Variants in EMSY observed in about 807,000 individuals in gnomAD.
EMSY encodes the protein BRCA2-interacting transcriptional repressor EMSY.
In EMSY, 26 loss-of-function variants were observed where a neutral mutation model predicts 134.6. The observed-to-expected ratio is 0.19, with a 90% CI of 0.14 to 0.27. The LOEUF (loss-of-function observed/expected upper bound fraction) is 0.27, where lower values mean the gene tolerates loss of function less well. EMSY is among the 10% of genes least tolerant of loss of function. The pLI is 1.00. For synonymous variants in EMSY, 579 were observed against 577.8 expected, an observed-to-expected ratio of 1.00 and a Z score of -0.03; for missense variants, 1,305 against 1,611.4, an observed-to-expected ratio of 0.81 and a Z score of 3.26.
At chr11:76,484,590 A>G (rs1378350280) in intron 8 of EMSY, among the ~76,000 whole-genome samples, 1 of 152,216 alleles carries the variant, frequency 6.6e-6, no homozygotes, top group Admixed American at 6.5e-5. Context: ...TCCCACAGAA[A>G]TACGAACTAC....
intron 17 of EMSY, among the ~76,000 whole-genome samples, chr11:76,541,607 G>A (rs1269177075): frequency 2.0e-5 from 3 of 152,182 alleles, no homozygotes; most frequent in Non-Finnish European, 2.9e-5. Flanking sequence ...GCTGTTTGAT[G>A]GTAGAACAGG....
At chr11:76,513,325 G>C (rs1184664246) in intron 9 of EMSY, 61 bp from the exon 11 acceptor site, 10 of 1,522,992 alleles carry the variant, frequency 6.6e-6, no homozygotes, top group Non-Finnish European at 8.9e-6. Context: ...CTCTTGGGTT[G>C]GTATAAGGGA....
chr11:76,457,562 G>A lies in EMSY; in HGVS notation c.246-621G>A, dbSNP rs532648973. 2.0e-5 allele frequency among the ~76,000 whole-genome samples: 3 copies of A among 152,258 alleles called. No individual in the cohort carries two copies. In the South Asian group the frequency reaches 6.2e-4, roughly 32 times the overall value. On this transcript the variant is annotated intron_variant, in intron 4 of 20. Coordinates refer to ENST00000334736, the Ensembl canonical transcript of EMSY. ...AAATTAATGGTGCGTTTCTTCTAGT[G>A]TCGTTAGATCTAGTCTGTTTTTAAC... is the stretch of plus-strand genomic sequence containing the variant.
rs1380119432 is a variant in EMSY at position 76,509,156 on chromosome 11, C to G, written c.1364-4230C>G. On this transcript the variant is annotated intron_variant, in intron 9 of 20. Coordinates refer to ENST00000334736, the Ensembl canonical transcript of EMSY. ...TTGTGAGAATCATCAAAATGTGACA[C>G]AGACATAATGTGAGCGCACACTGTT... Among the ~76,000 whole-genome samples, 5 of 152,014 alleles carry G rather than the reference C, an allele frequency of 3.3e-5. No homozygotes were observed. The East Asian group carries it at 9.6e-4, about 29-fold the overall frequency.
intron 8 of EMSY, among the ~76,000 whole-genome samples, chr11:76,485,427 C>A (rs1191309832): frequency 6.6e-6 from 1 of 152,218 alleles, no homozygotes; most frequent in Admixed American, 6.5e-5. Flanking sequence ...ATCACATAAA[C>A]AGAGCCAATG....
At chr11:76,453,368 G>A (rs1248517312) in exon 4 of EMSY, 1 of 1,612,836 alleles carries the variant, frequency 6.2e-7, no homozygotes, top group Non-Finnish European at 8.5e-7. Context: ...ACGATGAACG[G>A]TTAACAACAA....
chr11:76,544,454 C>T (rs768425160), exon 19 of EMSY: 1 of 1,614,138 alleles, frequency 6.2e-7, no homozygotes, highest in South Asian at 1.1e-5. Flanking sequence ...AGTGAAAACT[C>T]TGCAGTGCTT....
At chr11:76,506,881 A>T (rs2136009988) in intron 9 of EMSY, among the ~76,000 whole-genome samples, 1 of 152,318 alleles carries the variant, frequency 6.6e-6, no homozygotes, top group African/African-American at 2.4e-5. Context: ...ATGACACTAT[A>T]TAGGCTTATT....
rs35911259 is a variant in EMSY, at chr11:76,518,167, C to CT, written c.1684+1875dup. ...TCCCCAAACAAAAAAGAAGTACTTT[C>CT]TTTTTTTTTTTTTTTTTTTTAAGAC... On this transcript the variant is annotated intron_variant, in intron 11 of 20. Transcript: ENST00000334736. Among the ~76,000 whole-genome samples the CT allele has an allele frequency of 9.8e-3, 1,172 of 119,508 alleles. 27 individuals are homozygous for CT. The highest frequency in any genetic ancestry group is 0.028 in the African/African-American group (874 of 31,606). 78.4% of individuals were successfully genotyped at this position (119,508 alleles called of 152,430 possible).
chr11:76,488,799 A>G (rs933257224), intron 8 of EMSY, among the ~76,000 whole-genome samples: 2 of 152,062 alleles, frequency 1.3e-5, no homozygotes, highest in Non-Finnish European at 2.9e-5. Flanking sequence ...TTCTTGGGTA[A>G]CTCTTGGGGC....
intron 8 of EMSY, among the ~76,000 whole-genome samples, chr11:76,480,104 A>G (rs1948912241): frequency 6.6e-6 from 1 of 152,246 alleles, no homozygotes; most frequent in Admixed American, 6.5e-5. Context: ...GCTGGTAACT[A>G]TCTTATGCCA....
intron 10 of EMSY, among the ~76,000 whole-genome samples, chr11:76,514,704 A>G (rs886860901): frequency 6.6e-6 from 1 of 152,170 alleles, no homozygotes; most frequent in African/African-American, 2.4e-5. Flanking sequence ...AAACGTTTTC[A>G]TCTTCCGAAA....
At chr11:76,510,515 C>T (rs1950236170) in intron 9 of EMSY, among the ~76,000 whole-genome samples, 1 of 152,108 alleles carries the variant, frequency 6.6e-6, no homozygotes, top group African/African-American at 2.4e-5. Flanking sequence ...CTCACAGAGT[C>T]GGGGTAAGGG....
chr11:76,543,514 G>A (rs564933794), intron 18 of EMSY, among the ~76,000 whole-genome samples: 3 of 152,086 alleles, frequency 2.0e-5, no homozygotes, highest in Admixed American at 6.6e-5. Context: ...ACCTTTCTCC[G>A]GACACCTAGA....
At chr11:76,497,005 T>A (rs1412262507) in intron 9 of EMSY, 1 of 185,424 alleles carries the variant, frequency 5.4e-6, no homozygotes, top group East Asian at 1.6e-4. Context: ...TTTTCACCAT[T>A]AAGTACAATA....
intron 8 of EMSY, among the ~76,000 whole-genome samples, chr11:76,482,051 A>T (rs1223036291): frequency 6.6e-6 from 1 of 152,166 alleles, no homozygotes; most frequent in East Asian, 1.9e-4. Context: ...CAGGGGAAGG[A>T]ACAGGCAGCA....
chr11:76,552,218 G>C (rs150909629), downstream of EMSY: 1 of 152,132 alleles, frequency 6.6e-6, no homozygotes, highest in Non-Finnish European at 1.5e-5. Flanking sequence ...GTAGTATTCT[G>C]TGCACTGGGG....
chr11:76,453,533 G>C lies in EMSY; in HGVS notation c.245+145G>C, dbSNP rs571452760. The C allele has an allele frequency of 1.1e-5, 7 of 666,000 alleles. No homozygotes were observed. In the East Asian group the frequency reaches 2.2e-4, roughly 21 times the overall value. The allele number at this position is 666,000 out of a possible 1,614,324, so 41.3% of individuals were successfully genotyped here. On this transcript the variant is annotated intron_variant, in intron 4 of 20. Transcript: ENST00000334736. The stretch of plus-strand genomic sequence containing the variant: ...AGGGATCCTGATCATAGCAGTAAAA[G>C]TGATATTAACTGTTTATTCAGTTGG...
intron 7 of EMSY, among the ~76,000 whole-genome samples, chr11:76,467,765 G>A (rs925922339): frequency 6.6e-6 from 1 of 152,030 alleles, no homozygotes; most frequent in Non-Finnish European, 1.5e-5. Context: ...GCTGAGGCAG[G>A]CGGATCACCT....
Sources: gnomAD v4.1 joint callset for allele counts (sites outside exome capture counted in the v4.1 genomes callset) on GRCh38, gnomAD v4.1.1 for gene constraint, MANE v1.5 for transcripts, NCBI Gene and HGNC (gene_info 2026-07-23, HGNC 2026-07-21) for gene names.